FRK: variants seen among roughly 807,000 people sequenced by gnomAD.
FRK encodes the protein tyrosine-protein kinase FRK.
In FRK, 51 loss-of-function variants were observed where a neutral mutation model predicts 56.4. That is an observed-to-expected ratio of 0.90 (90% CI 0.72 to 1.14). The LOEUF (loss-of-function observed/expected upper bound fraction) is 1.14. Among genes scored for constraint, FRK ranks in the 50% most tolerant of loss-of-function variants. FRK has a pLI of 0.00. For synonymous variants in FRK, 245 were observed against 217.9 expected, an observed-to-expected ratio of 1.12 and a Z score of -1.10; for missense variants, 570 against 601.4, an observed-to-expected ratio of 0.95 and a Z score of 0.55.
At chr6:116,065,567 C>A (rs894516319), upstream of FRK, among the ~76,000 whole-genome samples, 1 of 152,108 alleles carries the variant, frequency 6.6e-6, no homozygotes, top group African/African-American at 2.4e-5. Context: ...AACTTATTTG[C>A]CAGATAAATA....
chr6:115,979,998 G>A (rs916247234), intron 2 of FRK, among the ~76,000 whole-genome samples: 4 of 152,070 alleles, frequency 2.6e-5, no homozygotes, highest in African/African-American at 4.8e-5. Flanking sequence ...ATATTAAAAT[G>A]AGAGAGAAAT....
rs62414103 is a variant in FRK at position 116,012,586 on chromosome 6, A to T, written c.345-8588T>A. On this transcript the variant is annotated intron_variant, in intron 1 of 7. Coordinates refer to ENST00000606080, the MANE Select transcript of FRK (RefSeq NM_002031.3). ...TCTGATAACTTCACATATCTGTGGC[A>T]TGAAGCACTGGCCACATGCCCTGTG... is the stretch of plus-strand genomic sequence containing the variant. Among the ~76,000 whole-genome samples the T allele has an allele frequency of 4.6e-3, 699 of 152,334 alleles. 2 individuals carry two copies. Among genetic ancestry groups the T allele is most frequent in the Non-Finnish European group, 7.5e-3 (508 of 68,026 alleles).
intron 1 of FRK, among the ~76,000 whole-genome samples, chr6:116,024,597 A>T (rs1229965481): frequency 2.0e-5 from 3 of 151,592 alleles, no homozygotes; most frequent in Admixed American, 6.6e-5. Context: ...ACATGAACTC[A>T]TCATTTTTTA....
intron 4 of FRK, among the ~76,000 whole-genome samples, chr6:115,958,577 G>A (rs1773108524): frequency 6.7e-6 from 1 of 150,250 alleles, no homozygotes; most frequent in Admixed American, 6.7e-5. Flanking sequence ...ACAGTGAGCT[G>A]AGATCACACC....
At chr6:116,042,188 G>T (rs912185867) in intron 1 of FRK, among the ~76,000 whole-genome samples, 2 of 152,178 alleles carry the variant, frequency 1.3e-5, no homozygotes, top group African/African-American at 4.8e-5. Flanking sequence ...TAGCCAGATG[G>T]CCTCTGTAGC....
the FRK span, among the ~76,000 whole-genome samples, chr6:116,093,504 T>C: frequency 6.6e-6 from 1 of 152,142 alleles, no homozygotes; most frequent in African/African-American, 2.4e-5. Flanking sequence ...AAAGAATGCT[T>C]TAGCTGCAGT....
intron 2 of FRK, among the ~76,000 whole-genome samples, chr6:115,981,496 C>T (rs1774198468): frequency 6.6e-6 from 1 of 152,014 alleles, no homozygotes; most frequent in African/African-American, 2.4e-5. Flanking sequence ...TTATTATTTT[C>T]TCAGTAGGAT....
chr6:115,976,493 T>G (rs1379959126), intron 2 of FRK, among the ~76,000 whole-genome samples: 2 of 152,108 alleles, frequency 1.3e-5, no homozygotes, highest in Non-Finnish European at 2.9e-5. Context: ...GTATAACAAT[T>G]AGTTTGGTGT....
At chr6:116,088,985 A>G in the FRK span, among the ~76,000 whole-genome samples, 5 of 152,360 alleles carry the variant, frequency 3.3e-5, no homozygotes, top group South Asian at 1.0e-3. Context: ...TTAAATAATC[A>G]AAAATTTAAC....
chr6:116,030,467 G>C (rs1776263383), intron 1 of FRK, among the ~76,000 whole-genome samples: 1 of 152,080 alleles, frequency 6.6e-6, no homozygotes, highest in African/African-American at 2.4e-5. Context: ...GAATTTCCTG[G>C]GTGATAGGAG....
chr6:115,970,501 A>C (rs986165760), intron 2 of FRK, among the ~76,000 whole-genome samples: 2 of 152,362 alleles, frequency 1.3e-5, no homozygotes, highest in Non-Finnish European at 2.9e-5. Flanking sequence ...TAGCTAAAAA[A>C]TTGTCATCTA....
the FRK span, among the ~76,000 whole-genome samples, chr6:116,100,106 G>GT: frequency 6.6e-6 from 1 of 152,206 alleles, no homozygotes; most frequent in Non-Finnish European, 1.5e-5. Context: ...GTTTGCAAAA[G>GT]TTTTTTGTAG....
At chr6:115,999,957 T>C (rs1288881296) in intron 2 of FRK, among the ~76,000 whole-genome samples, 1 of 152,194 alleles carries the variant, frequency 6.6e-6, no homozygotes, top group Non-Finnish European at 1.5e-5. Context: ...ATTGTTTGAC[T>C]TCATTGAAAA....
chr6:116,038,662 A>G (rs1304931262), intron 1 of FRK: 1 of 339,282 alleles, frequency 2.9e-6, no homozygotes, highest in African/African-American at 2.1e-5. Flanking sequence ...TTTTTTTAAC[A>G]TGATACCTTT....
Position 115,936,198 on chromosome 6 carries a change from ACAGCATCTGGAGTGGACCTC to A in FRK, c.*6196_*6215del, listed in dbSNP as rs1487487319. ...GCCTCCACTCGTGACACCAAGGCAAACAGCATCTGGAGTGGACCTCCAGCAAACTCCAGCAGACCTGCAGC... is the reference window on the plus strand; with the variant it reads ...GCCTCCACTCGTGACACCAAGGCAAACAGCAAACTCCAGCAGACCTGCAGC... On this transcript the variant is annotated 3_prime_UTR_variant, in exon 8 of 8. Coordinates refer to ENST00000606080, the MANE Select transcript of FRK (RefSeq NM_002031.3). The A allele has an allele frequency of 7.0e-5, 11 of 156,034 alleles. No homozygotes were observed. The East Asian group carries it at 2.1e-3, about 29-fold the overall frequency. The allele number at this position is 156,034 out of a possible 1,614,324, so 9.7% of individuals were successfully genotyped here. A position where few individuals can be genotyped will look rare whatever the true frequency, so the allele number is the denominator to read the frequency against.
intron 2 of FRK, among the ~76,000 whole-genome samples, chr6:115,992,440 T>A (rs543897240): frequency 1.3e-5 from 2 of 151,782 alleles, no homozygotes; most frequent in East Asian, 3.8e-4. Context: ...AGTGCTATGA[T>A]AAATGAGTAA....
intron 5 of FRK, among the ~76,000 whole-genome samples, chr6:115,952,975 T>A (rs1417832035): frequency 6.7e-6 from 1 of 149,998 alleles, no homozygotes; most frequent in African/African-American, 2.5e-5. Context: ...TAACGCTAAA[T>A]GACGAGTTAA....
chr6:115,953,985 A>C (rs1466091883), intron 5 of FRK, among the ~76,000 whole-genome samples: 1 of 152,250 alleles, frequency 6.6e-6, no homozygotes, highest in Admixed American at 6.5e-5. Flanking sequence ...AGAAGATAAA[A>C]TAAAAAGCAA....
Position 115,968,657 on chromosome 6 carries a change from A to C in FRK, c.549T>G (p.Phe183Leu), listed in dbSNP as rs745410841. ...GGFFLTRRRIFSTLNEFVSHY... is the reference protein window; with the variant it reads ...GGFFLTRRRILSTLNEFVSHY... Reference sequence around the variant, plus strand: ...GGCTCACAAATTCGTTCAGTGTTGAAAAGATTCTTCTTCGCGTGAGAAAAA... The same window carrying C: ...GGCTCACAAATTCGTTCAGTGTTGACAAGATTCTTCTTCGCGTGAGAAAAA... The change falls in exon 3 of 8, where the codon TTT becomes TTG. Residue 183 changes from phenylalanine to leucine, a missense_variant. Phe to Leu is a conservative substitution (Grantham distance 22, BLOSUM62 0). Coordinates refer to ENST00000606080, the MANE Select transcript of FRK (RefSeq NM_002031.3). The C allele has an allele frequency of 6.2e-6, 10 of 1,613,758 alleles. No homozygotes were observed. Among genetic ancestry groups the C allele is most frequent in the Non-Finnish European group, 8.5e-6 (10 of 1,179,854 alleles).
Sources: allele counts gnomAD v4.1 joint callset (sites outside exome capture counted in the v4.1 genomes callset), GRCh38; gene constraint gnomAD v4.1.1; transcripts MANE v1.5; gene names NCBI Gene and HGNC (gene_info 2026-07-23, HGNC 2026-07-21).